DCAF8L2: variants seen among roughly 807,000 people sequenced by gnomAD.
DCAF8L2 encodes DDB1- and CUL4-associated factor 8-like protein 2.
For missense variants in DCAF8L2, 430 were observed against 490.7 expected (o/e 0.88, Z 1.17); for synonymous variants, 200 against 190.9 (o/e 1.05, Z -0.39).
chrX:27,665,025 C>A (rs914328949), intron 2 of DCAF8L2, among the ~76,000 whole-genome samples: 1 of 110,983 alleles, frequency 9.0e-6, no homozygotes, highest in Non-Finnish European at 1.9e-5. Flanking sequence ...ACCCATTCTG[C>A]AGCCTATAGA....
intron 4 of DCAF8L2, among the ~76,000 whole-genome samples, chrX:27,718,567 G>A (rs1282121560): frequency 9.0e-6 from 1 of 111,018 alleles, no homozygotes; most frequent in Non-Finnish European, 1.9e-5. Context: ...CATTTCAATC[G>A]GTAGACTGAG....
intron 1 of DCAF8L2, among the ~76,000 whole-genome samples, chrX:27,596,172 G>A (rs952686557): frequency 8.9e-6 from 1 of 112,123 alleles, no homozygotes; most frequent in Admixed American, 9.5e-5. Flanking sequence ...ATACTTTGAA[G>A]ATTTTAAGTT....
At chrX:27,598,973 AAAT>A (rs1356386191) in intron 1 of DCAF8L2, among the ~76,000 whole-genome samples, 29 of 82,086 alleles carry the variant, frequency 3.5e-4, no homozygotes, top group African/African-American at 1.0e-3. Flanking sequence ...AAAAAAAAAA[AAAT>A]ATATATATAT....
chrX:27,689,768 C>T (rs1930644820), intron 3 of DCAF8L2, among the ~76,000 whole-genome samples: 1 of 111,834 alleles, frequency 8.9e-6, no homozygotes, highest in South Asian at 3.7e-4. Flanking sequence ...ATTGATGCAG[C>T]CATGAACAAG....
intron 3 of DCAF8L2, among the ~76,000 whole-genome samples, chrX:27,685,552 T>C (rs1930472566): frequency 8.9e-6 from 1 of 112,022 alleles, no homozygotes; most frequent in African/African-American, 3.2e-5. Flanking sequence ...ACTAGATCCC[T>C]ATCGCTCACT....
At chrX:27,582,726 C>G in the DCAF8L2 span, among the ~76,000 whole-genome samples, 1 of 111,186 alleles carries the variant, frequency 9.0e-6, no homozygotes, top group African/African-American at 3.3e-5. Flanking sequence ...ATATTGTGCT[C>G]TCTTTGATGT....
At chrX:27,734,553 C>T (rs1009317515) in intron 4 of DCAF8L2, among the ~76,000 whole-genome samples, 7 of 111,614 alleles carry the variant, frequency 6.3e-5, no homozygotes, top group Middle Eastern at 4.6e-3. Flanking sequence ...TTCCTTTCAG[C>T]GTGTAAATGA....
At chrX:27,741,700 G>A (rs73628830) in intron 4 of DCAF8L2, among the ~76,000 whole-genome samples, 1,980 of 111,050 alleles carry the variant, frequency 0.018, 47 homozygotes, top group African/African-American at 0.061. Context: ...TCCTATATAC[G>A]GTATATGCCT....
intron 1 of DCAF8L2, among the ~76,000 whole-genome samples, chrX:27,595,198 T>C (rs1236609049): frequency 9.0e-6 from 1 of 111,650 alleles, no homozygotes. Flanking sequence ...TCAAATACCA[T>C]CTACATGTTG....
chrX:27,704,179 T>TATATATATATATACACAC (rs756313953), intron 3 of DCAF8L2, among the ~76,000 whole-genome samples: 1 of 85,545 alleles, frequency 1.2e-5, no homozygotes, highest in African/African-American at 4.8e-5. Context: ...TATATACATA[T>TATATATATATATACACAC]ACACACACAC....
At chrX:27,574,167 A>T in the DCAF8L2 span, among the ~76,000 whole-genome samples, 1 of 110,634 alleles carries the variant, frequency 9.0e-6, no homozygotes, top group African/African-American at 3.3e-5. Flanking sequence ...ATAGGTTGGT[A>T]TAAAGAACCT....
intron 1 of DCAF8L2, among the ~76,000 whole-genome samples, chrX:27,602,156 C>T (rs973606678): frequency 9.0e-6 from 1 of 111,076 alleles, no homozygotes; most frequent in Non-Finnish European, 1.9e-5. Flanking sequence ...CTGCCTCAGC[C>T]TCCCGAGTAG....
the DCAF8L2 span, among the ~76,000 whole-genome samples, chrX:27,515,342 A>G: frequency 2.7e-5 from 3 of 112,294 alleles, no homozygotes; most frequent in Non-Finnish European, 3.7e-5. Flanking sequence ...TGTGCTCAAG[A>G]CTGCTAATGA....
chrX:27,558,210 G>T, the DCAF8L2 span, among the ~76,000 whole-genome samples: 1 of 111,612 alleles, frequency 9.0e-6, no homozygotes, highest in African/African-American at 3.3e-5. Flanking sequence ...TACTCAAGTG[G>T]ATCACCTCGA....
chrX:27,689,395 C>T (rs1930628675), intron 3 of DCAF8L2, among the ~76,000 whole-genome samples: 1 of 111,872 alleles, frequency 8.9e-6, no homozygotes, highest in Non-Finnish European at 1.9e-5. Context: ...CAGGTGCACA[C>T]CACCACACCC....
chrX:27,502,214 C>T, the DCAF8L2 span, among the ~76,000 whole-genome samples: 7 of 99,296 alleles, frequency 7.0e-5, no homozygotes, highest in Admixed American at 1.1e-4. Context: ...CCAGCTACTC[C>T]GGAGGCTGAG....
At chrX:27,729,804 T>C (rs769072356) in intron 4 of DCAF8L2, among the ~76,000 whole-genome samples, 11 of 111,787 alleles carry the variant, frequency 9.8e-5, no homozygotes, top group Non-Finnish European at 1.9e-4. Flanking sequence ...TTTCAACATA[T>C]TAATTTAGGG....
At chrX:27,498,846 C>T in the DCAF8L2 span, among the ~76,000 whole-genome samples, 1 of 111,913 alleles carries the variant, frequency 8.9e-6, no homozygotes, top group Non-Finnish European at 1.9e-5. Flanking sequence ...AGTATAATGT[C>T]CTAGGTTGAT....
chrX:27,473,410 C>T, the DCAF8L2 span, among the ~76,000 whole-genome samples: 1 of 111,209 alleles, frequency 9.0e-6, no homozygotes, highest in Non-Finnish European at 1.9e-5. Context: ...CTTCAACTTA[C>T]ATCAGTGAGA....
Sources: allele counts gnomAD v4.1 joint callset (sites outside exome capture counted in the v4.1 genomes callset), GRCh38; gene constraint gnomAD v4.1.1; transcripts MANE v1.5; gene names NCBI Gene and HGNC (gene_info 2026-07-23, HGNC 2026-07-21).